The following SORCS3 variants were observed in gnomAD, a reference collection of about 807,000 sequenced individuals.
SORCS3 encodes the protein VPS10 domain-containing receptor SorCS3.
A neutral mutation model predicts 146.3 loss-of-function variants in SORCS3; 57 were observed. The observed-to-expected ratio is 0.39, with a 90% CI of 0.31 to 0.49. The LOEUF (loss-of-function observed/expected upper bound fraction) is 0.49. Among genes scored for constraint, SORCS3 ranks in the 20% least tolerant of loss-of-function variants. The pLI is 0.92. For missense variants in SORCS3, 1,341 were observed against 1,575.5 expected, an observed-to-expected ratio of 0.85 and a Z score of 2.52; for synonymous variants, 653 against 618.5, an observed-to-expected ratio of 1.06 and a Z score of -0.83.
At chr10:104,831,606 G>T (rs1466508592) in intron 1 of SORCS3, among the ~76,000 whole-genome samples, 1 of 152,226 alleles carries the variant, frequency 6.6e-6, no homozygotes, top group Non-Finnish European at 1.5e-5. Context: ...GATCTACCTA[G>T]ATCTGTCCAA....
At chr10:104,723,362 G>C (rs2133447069) in intron 1 of SORCS3, among the ~76,000 whole-genome samples, 1 of 152,294 alleles carries the variant, frequency 6.6e-6, no homozygotes, top group Non-Finnish European at 1.5e-5. Context: ...TATAATTTCT[G>C]TTCTTTTACA....
Position 104,926,500 on chromosome 10 carries a change from C to G in SORCS3, c.795+10568C>G, listed in dbSNP as rs555302583. 5.6e-4 allele frequency among the ~76,000 whole-genome samples: 86 copies of G among 152,274 alleles called. 1 individual carries two copies. Among genetic ancestry groups the G allele is most frequent in the South Asian group, 1.2e-3 (6 of 4,824 alleles). On this transcript the variant is annotated intron_variant, in intron 3 of 26. Coordinates refer to ENST00000369701, the MANE Select transcript of SORCS3 (RefSeq NM_014978.3). Reference sequence around the variant, plus strand: ...GATTCCACGTCCAAATGTTTTTCTTCTTGGTGTATCCAGAAAAAGAACCAG... The same window carrying G: ...GATTCCACGTCCAAATGTTTTTCTTGTTGGTGTATCCAGAAAAAGAACCAG...
intron 13 of SORCS3, among the ~76,000 whole-genome samples, chr10:105,175,627 A>G (rs2056395452): frequency 6.6e-6 from 1 of 152,106 alleles, no homozygotes; most frequent in Admixed American, 6.5e-5. Flanking sequence ...CCAATTATAC[A>G]TGTTTTCACT....
chr10:105,182,465 T>C (rs2056449291), intron 14 of SORCS3, among the ~76,000 whole-genome samples: 1 of 151,976 alleles, frequency 6.6e-6, no homozygotes. Context: ...TATAATTCTC[T>C]AAGGTTTGTT....
In SORCS3 at chr10:105,264,248, AAGAAGAGGCCCACT is replaced by A. The variant is rs1219908323; in HGVS notation, c.*878_*891del. The A allele has an allele frequency of 2.6e-5, 4 of 151,796 alleles. No homozygotes were observed. The highest frequency in any genetic ancestry group is 9.7e-5 in the African/African-American group (4 of 41,360). 9.4% of individuals were successfully genotyped at this position (151,796 alleles called of 1,614,324 possible). A position where few individuals can be genotyped will look rare whatever the true frequency, so the allele number is the denominator to read the frequency against. ...TGTTCCAAGAATGATATGAAAGGTG[AAGAAGAGGCCCACT>A]AGAGGCTTCATACTGAGACCCAGAT... On this transcript the variant is annotated 3_prime_UTR_variant, in exon 27 of 27. Transcript: ENST00000369701.
At chr10:105,123,511 A>G (rs2055950596) in intron 7 of SORCS3, among the ~76,000 whole-genome samples, 1 of 152,186 alleles carries the variant, frequency 6.6e-6, no homozygotes, top group Non-Finnish European at 1.5e-5. Context: ...TATGGAGATA[A>G]TGCAGTAAAA....
At chr10:104,753,414 G>T (rs941976348) in intron 1 of SORCS3, among the ~76,000 whole-genome samples, 2 of 152,172 alleles carry the variant, frequency 1.3e-5, no homozygotes, top group African/African-American at 4.8e-5. Flanking sequence ...ATGTCAAGAG[G>T]AGAATGAATA....
At chr10:104,843,859 C>A (rs747952912) in intron 2 of SORCS3, among the ~76,000 whole-genome samples, 6 of 152,166 alleles carry the variant, frequency 3.9e-5, no homozygotes, top group Non-Finnish European at 5.9e-5. Context: ...GTGTTTTCTC[C>A]CATTTACCTT....
intron 1 of SORCS3, among the ~76,000 whole-genome samples, chr10:104,667,671 G>C (rs1041558802): frequency 4.6e-5 from 7 of 152,184 alleles, no homozygotes; most frequent in African/African-American, 1.7e-4. Flanking sequence ...CATTAAAAGG[G>C]AACAAAACCC....
At chr10:104,997,680 G>A (rs143532601) in intron 4 of SORCS3, among the ~76,000 whole-genome samples, 27 of 152,194 alleles carry the variant, frequency 1.8e-4, no homozygotes, top group African/African-American at 4.3e-4. Context: ...ATTCACAGTC[G>A]AGCACTTACA....
At chr10:104,730,331 G>C (rs2016691740) in intron 1 of SORCS3, among the ~76,000 whole-genome samples, 1 of 152,076 alleles carries the variant, frequency 6.6e-6, no homozygotes. Context: ...ACACAGCTGG[G>C]ACCAGAACCT....
chr10:105,089,870 G>A (rs760610303), intron 6 of SORCS3, 31 bp downstream of exon 6: 2 of 1,584,490 alleles, frequency 1.3e-6, no homozygotes, highest in Non-Finnish European at 1.7e-6. Flanking sequence ...GCTAGGCCCA[G>A]GGAGATCTGC....
intron 5 of SORCS3, among the ~76,000 whole-genome samples, chr10:105,076,173 G>A (rs1487517561): frequency 6.6e-6 from 1 of 152,136 alleles, no homozygotes; most frequent in Non-Finnish European, 1.5e-5. Flanking sequence ...GGTTCAGAGA[G>A]GTTAACTATA....
chr10:104,658,154 A>C (rs966287198), intron 1 of SORCS3, among the ~76,000 whole-genome samples: 1 of 152,166 alleles, frequency 6.6e-6, no homozygotes, highest in Admixed American at 6.5e-5. Context: ...GGGCAGTGTT[A>C]ATTATATTGT....
chr10:105,245,727 C>G (rs1564794671), intron 21 of SORCS3, 62 bp downstream of exon 21: 3 of 1,569,370 alleles, frequency 1.9e-6, no homozygotes, highest in South Asian at 2.3e-5. Context: ...TGTGTCCACT[C>G]TCCCTACAAT....
intron 5 of SORCS3, among the ~76,000 whole-genome samples, chr10:105,063,182 T>C (rs981875198): frequency 2.0e-5 from 3 of 152,182 alleles, no homozygotes; most frequent in Non-Finnish European, 4.4e-5. Flanking sequence ...TCCTATGGAC[T>C]CCCGATGATT....
chr10:104,807,938 A>G (rs2017697216), intron 1 of SORCS3, among the ~76,000 whole-genome samples: 1 of 152,228 alleles, frequency 6.6e-6, no homozygotes, highest in Non-Finnish European at 1.5e-5. Flanking sequence ...GGTATGGCTC[A>G]GTTGTCTGAC....
In SORCS3 at chr10:105,047,662, T is replaced by C. The variant is rs139251701; in HGVS notation, c.1028+4534T>C. Among the ~76,000 whole-genome samples the C allele has an allele frequency of 4.2e-3, 636 of 152,226 alleles. 7 individuals carry two copies. Among genetic ancestry groups the C allele is most frequent in the African/African-American group, 0.014 (591 of 41,566 alleles). On this transcript the variant is annotated intron_variant, in intron 5 of 26. Transcript: ENST00000369701. ...TGCAGGGAATGTGTATCTTGAAGAC[T>C]GCTGTATCTGCTATGATGCCTGGTT...
intron 1 of SORCS3, among the ~76,000 whole-genome samples, chr10:104,777,321 G>A (rs1383529256): frequency 6.6e-6 from 1 of 152,140 alleles, no homozygotes; most frequent in African/African-American, 2.4e-5. Flanking sequence ...GCTGTCCTCC[G>A]GGGGTAGCTG....
Sources: allele counts gnomAD v4.1 joint callset (sites outside exome capture counted in the v4.1 genomes callset), GRCh38; gene constraint gnomAD v4.1.1; transcripts MANE v1.5; gene names NCBI Gene and HGNC (gene_info 2026-07-23, HGNC 2026-07-21).